The following DSCAML1 variants were observed in gnomAD, a reference collection of about 807,000 sequenced individuals.
DSCAML1 encodes cell adhesion molecule DSCAML1.
Under a neutral mutation model 200.5 loss-of-function variants are expected in DSCAML1, and 38 were observed. That is an observed-to-expected ratio of 0.19 (90% confidence interval 0.15 to 0.25). The LOEUF (loss-of-function observed/expected upper bound fraction) is 0.25. Ranked by LOEUF, DSCAML1 falls within the 10% of genes least tolerant of loss-of-function variation. The probability of loss-of-function intolerance (pLI) is 1.00; values close to 1 mark genes in which losing one functional copy is unlikely to be tolerated. For missense variants in DSCAML1, 2,223 were observed against 2,858.8 expected (o/e 0.78, Z 5.07); for synonymous variants, 1,215 against 1,165.0 (o/e 1.04, Z -0.87).
chr11:117,762,868 G>GTAATAATAATAATAATAATAATAATAA (rs58166401), intron 3 of DSCAML1, among the ~76,000 whole-genome samples: 1 of 146,656 alleles, frequency 6.8e-6, no homozygotes, highest in Admixed American at 6.8e-5. Context: ...GTCTCAAATA[G>GTAATAATAATAATAATAATAATAATAA]TAATAATAAT....
At chr11:117,688,943 A>G (rs1281525241) in intron 3 of DSCAML1, among the ~76,000 whole-genome samples, 2 of 152,200 alleles carry the variant, frequency 1.3e-5, no homozygotes, top group Non-Finnish European at 2.9e-5. Flanking sequence ...GCTCTCGCCT[A>G]CTGGCTATCA....
intron 3 of DSCAML1, among the ~76,000 whole-genome samples, chr11:117,657,662 G>T (rs781664078): frequency 6.6e-6 from 1 of 152,090 alleles, no homozygotes; most frequent in Non-Finnish European, 1.5e-5. Context: ...TATTTAAAAT[G>T]ATCAACAGCC....
chr11:117,525,326 A>T (rs1244574776), intron 4 of DSCAML1, among the ~76,000 whole-genome samples: 1 of 152,188 alleles, frequency 6.6e-6, no homozygotes, highest in Non-Finnish European at 1.5e-5. Context: ...GGAGGAGAGG[A>T]TATGATGGAG....
intron 3 of DSCAML1, among the ~76,000 whole-genome samples, chr11:117,572,348 G>A (rs1168091747): frequency 6.6e-6 from 1 of 152,172 alleles, no homozygotes; most frequent in Non-Finnish European, 1.5e-5. Context: ...CCTAGGCCTG[G>A]GAGGTGAGGA....
intron 3 of DSCAML1, among the ~76,000 whole-genome samples, chr11:117,675,668 C>T (rs758729826): frequency 7.9e-5 from 12 of 151,736 alleles, no homozygotes; most frequent in Non-Finnish European, 1.2e-4. Context: ...GGCCCGGCTG[C>T]GTGGTTGGTT....
At chr11:117,684,462 A>AAAAG (rs1565872980) in intron 3 of DSCAML1, among the ~76,000 whole-genome samples, 77 of 129,918 alleles carry the variant, frequency 5.9e-4, no homozygotes, top group South Asian at 1.5e-3. Context: ...AAAAAAAAAG[A>AAAAG]AAAAAAGAGG....
At chr11:117,629,976 A>C (rs1463919748) in intron 3 of DSCAML1, among the ~76,000 whole-genome samples, 3 of 152,146 alleles carry the variant, frequency 2.0e-5, no homozygotes, top group African/African-American at 7.2e-5. Flanking sequence ...GCACCACTGC[A>C]CTCTAGCCTG....
At chr11:117,741,121 C>G (rs926087480) in intron 3 of DSCAML1, among the ~76,000 whole-genome samples, 1 of 152,248 alleles carries the variant, frequency 6.6e-6, no homozygotes, top group Non-Finnish European at 1.5e-5. Flanking sequence ...GAGATGGTCT[C>G]CACCAGAGAT....
chr11:117,490,735 C>A (rs2049166885), intron 11 of DSCAML1, among the ~76,000 whole-genome samples: 1 of 152,218 alleles, frequency 6.6e-6, no homozygotes, highest in African/African-American at 2.4e-5. Context: ...AGACTGAACC[C>A]CAAGTCCTCT....
chr11:117,671,074 A>G (rs776947810), intron 3 of DSCAML1, among the ~76,000 whole-genome samples: 1 of 152,270 alleles, frequency 6.6e-6, no homozygotes, highest in Non-Finnish European at 1.5e-5. Flanking sequence ...TAAGGAATGC[A>G]CTTGACGTTA....
chr11:117,479,596 G>A (rs570431369), intron 14 of DSCAML1, among the ~76,000 whole-genome samples: 54 of 152,268 alleles, frequency 3.5e-4, no homozygotes, highest in Non-Finnish European at 5.1e-4. Flanking sequence ...TCACAGTGGC[G>A]GGGCGGCCGC....
Position 117,464,943 on chromosome 11 carries a change from A to T in DSCAML1, c.3264T>A (p.Asp1088Glu). ...SSEINATTLE[D>E]VPSQPPENVR... Reference sequence around the variant, plus strand: ...ACTCCCTTCTGCTGGGGCCCTCACCATCCTCCAGAGTGGTGGCATTGATCT... The same window carrying T: ...ACTCCCTTCTGCTGGGGCCCTCACCTTCCTCCAGAGTGGTGGCATTGATCT... The change falls in exon 17 of 33, where the codon GAT (aspartate) becomes GAA (glutamate). Residue 1088 changes from aspartate to glutamate, a missense_variant and splice_region_variant. By Grantham distance (45) the Asp-to-Glu change is conservative (BLOSUM62 2). Around this residue, in one of 7 missense-constraint regions of DSCAML1, gnomAD observed 438 missense variants for 629.7 expected, o/e 0.70. Transcript: ENST00000651296. 6.2e-7 allele frequency: 1 copy of T among 1,613,388 alleles called. No individual in the cohort carries two copies. The highest frequency in any genetic ancestry group is 8.5e-7 in the Non-Finnish European group (1 of 1,179,574).
intron 3 of DSCAML1, among the ~76,000 whole-genome samples, chr11:117,639,478 A>AGCTGGATGGGTGGGAG (rs2052358596): frequency 1.5e-5 from 2 of 130,080 alleles, no homozygotes; most frequent in South Asian, 2.7e-4. Context: ...ATGGATGGGA[A>AGCTGGATGGGTGGGAG]GCTGGATGGG....
intron 11 of DSCAML1, among the ~76,000 whole-genome samples, chr11:117,497,656 G>A (rs557029086): frequency 6.6e-6 from 1 of 152,378 alleles, no homozygotes; most frequent in East Asian, 1.9e-4. Context: ...TGGAGGTGGG[G>A]GTGGGCACTG....
chr11:117,806,611 G>T (rs2055708797), intron 1 of DSCAML1, among the ~76,000 whole-genome samples: 1 of 152,122 alleles, frequency 6.6e-6, no homozygotes, highest in Non-Finnish European at 1.5e-5. Flanking sequence ...CTATAAGACT[G>T]GTATGATTAT....
intron 3 of DSCAML1, among the ~76,000 whole-genome samples, chr11:117,577,532 TC>T (rs1271969336): frequency 6.6e-4 from 55 of 82,790 alleles, no homozygotes; most frequent in African/African-American, 1.6e-3. Flanking sequence ...CTTCCTTCCT[TC>T]CTTTCCTTCC....
intron 3 of DSCAML1, among the ~76,000 whole-genome samples, chr11:117,603,705 G>T (rs2051509214): frequency 6.6e-6 from 1 of 152,154 alleles, no homozygotes; most frequent in African/African-American, 2.4e-5. Context: ...CTTCCAGTAA[G>T]GCCAATAGTG....
intron 21 of DSCAML1, among the ~76,000 whole-genome samples, chr11:117,442,288 T>C (rs2048077447): frequency 1.3e-5 from 2 of 150,742 alleles, no homozygotes; most frequent in African/African-American, 4.9e-5. Flanking sequence ...ATAGTGTGTA[T>C]GTGTGTATAT....
chr11:117,515,610 C>CTTTTTTTTTTTTTTTTTTTTTTTTTTTTT (rs56765238), intron 8 of DSCAML1, among the ~76,000 whole-genome samples: 1 of 65,122 alleles, frequency 1.5e-5, no homozygotes, highest in African/African-American at 8.4e-5. Context: ...AGGGACGAAG[C>CTTTTTTTTTTTTTTTTTTTTTTTTTTTTT]TTTTTTTTTT....
Sources: allele counts gnomAD v4.1 joint callset (sites outside exome capture counted in the v4.1 genomes callset), GRCh38; gene constraint gnomAD v4.1.1; regional missense constraint gnomAD v4.1.1; transcripts MANE v1.5; gene names NCBI Gene and HGNC (gene_info 2026-07-23, HGNC 2026-07-21).